The following DMXL1 variants were observed in gnomAD, a reference collection of about 807,000 sequenced individuals.
DMXL1 encodes the protein Dmx like 1.
A neutral mutation model predicts 319.2 loss-of-function variants in DMXL1; 99 were observed. The observed-to-expected ratio is 0.31, with a 90% CI of 0.26 to 0.37. The LOEUF (loss-of-function observed/expected upper bound fraction) is 0.37. Ranked by LOEUF, DMXL1 falls within the 10% of genes least tolerant of loss-of-function variation. DMXL1 has a pLI of 1.00. For synonymous variants in DMXL1, 1,385 were observed against 1,235.2 expected (o/e 1.12, Z -2.54); for missense variants, 3,745 against 3,595.6 (o/e 1.04, Z -1.06).
chr5:119,085,770 G>A (rs1753223459), intron 1 of DMXL1, among the ~76,000 whole-genome samples: 1 of 152,078 alleles, frequency 6.6e-6, no homozygotes, highest in Non-Finnish European at 1.5e-5. Flanking sequence ...CCATATCTTA[G>A]AGGAAAAATC....
rs148821342 is a variant in DMXL1 at position 119,099,722 on chromosome 5, C to T, written c.213+1618C>T. ...CCAGGTTAGAATGAAGAAATCATGG[C>T]CATGTGTGGTGGCTCATGCCTGTAA... On this transcript the variant is annotated intron_variant, in intron 2 of 43. Transcript: ENST00000539542. 4.0e-3 allele frequency among the ~76,000 whole-genome samples: 612 copies of T among 152,220 alleles called. 10 individuals are homozygous for T. The highest frequency in any genetic ancestry group is 0.031 in the South Asian group (147 of 4,818).
chr5:119,086,882 CATT>C (rs1188131147), intron 1 of DMXL1, among the ~76,000 whole-genome samples: 1 of 152,054 alleles, frequency 6.6e-6, no homozygotes, highest in Admixed American at 6.6e-5. Context: ...TCTCATTACT[CATT>C]ATTGATTTGG....
chr5:119,149,329 C>A lies in DMXL1; in HGVS notation c.3502C>A (p.Leu1168Met). 6.2e-7 allele frequency: 1 copy of A among 1,613,944 alleles called. No individual in the cohort carries two copies. The highest frequency in any genetic ancestry group is 8.5e-7 in the Non-Finnish European group (1 of 1,179,900). ...ATCAAAACTTTTTATGTATGGACCC[C>A]TGGCTGGCAAGGTACAAGACCAAAC... ...IGSKLFMYGP[L>M]AGKVQDQTGK... The change falls in exon 18 of 44, where the codon CTG becomes ATG. Residue 1168 changes from leucine (L) to methionine (M), a missense_variant. Around this residue, in one of 4 missense-constraint regions of DMXL1, gnomAD observed 2,096 missense variants for 1,985.4 expected, o/e 1.06. Transcript: ENST00000539542.
chr5:119,167,632 G>T lies in DMXL1; in HGVS notation c.5166G>T (p.Gln1722His). The T allele has an allele frequency of 6.2e-7, 1 of 1,606,280 alleles. No individual in the cohort carries two copies. The highest frequency in any genetic ancestry group is 8.5e-7 in the Non-Finnish European group (1 of 1,175,598). Residue 1722 changes from glutamine (Q) to histidine (H), a missense_variant, in exon 23 of 44, where the codon CAG (glutamine) becomes CAT (histidine). By Grantham distance (24) the Gln-to-His change is conservative. Transcript: ENST00000539542. ...EVCLEKLNDI[Q>H]LALVIARLYE... ...GTCTTGAGAAATTGAATGACATTCA[G>T]TTGGCTCTTGTAATAGCAAGACTCT...
chr5:119,118,748 A>C (rs772679787), intron 7 of DMXL1, 67 bp from the exon 8 acceptor site: 2 of 1,225,558 alleles, frequency 1.6e-6, no homozygotes, highest in Middle Eastern at 3.9e-4. Context: ...TTACAGAAAC[A>C]TCGTAGAATT....
chr5:119,222,921 A>G (rs968030084), intron 37 of DMXL1, among the ~76,000 whole-genome samples: 1 of 151,840 alleles, frequency 6.6e-6, no homozygotes, highest in African/African-American at 2.4e-5. Flanking sequence ...TCTCAACTCA[A>G]ATCCCCCCAC....
At chr5:119,092,899 T>C (rs1265244361) in intron 1 of DMXL1, among the ~76,000 whole-genome samples, 1 of 152,260 alleles carries the variant, frequency 6.6e-6, no homozygotes, top group African/African-American at 2.4e-5. Context: ...CCATTGACAG[T>C]TGATGGACAT....
At chr5:119,113,770 T>C (rs769824604) in intron 5 of DMXL1, among the ~76,000 whole-genome samples, 18 of 152,244 alleles carry the variant, frequency 1.2e-4, no homozygotes, top group Non-Finnish European at 2.1e-4. Context: ...TAATGTATTA[T>C]GCTTAAAATC....
At chr5:119,164,020 A>G (rs1451345964) in intron 19 of DMXL1, among the ~76,000 whole-genome samples, 1 of 152,090 alleles carries the variant, frequency 6.6e-6, no homozygotes, top group Non-Finnish European at 1.5e-5. Flanking sequence ...TAGAGCTGGA[A>G]TTTAACATAT....
At chr5:119,119,856 G>T (rs1761654432) in intron 8 of DMXL1, among the ~76,000 whole-genome samples, 1 of 151,706 alleles carries the variant, frequency 6.6e-6, no homozygotes, top group East Asian at 1.9e-4. Flanking sequence ...ATTTTTTGTG[G>T]ATTTTTTTTT....
chr5:119,191,953 A>C (rs958599039), intron 29 of DMXL1, among the ~76,000 whole-genome samples: 1 of 152,204 alleles, frequency 6.6e-6, no homozygotes, highest in African/African-American at 2.4e-5. Flanking sequence ...TTTGTTTTCT[A>C]CAATTTTGTT....
At chr5:119,134,958 G>C (rs1765674973) in intron 13 of DMXL1, among the ~76,000 whole-genome samples, 1 of 152,212 alleles carries the variant, frequency 6.6e-6, no homozygotes, top group Non-Finnish European at 1.5e-5. Context: ...CCCAGAGGCA[G>C]CCTTCGGCTG....
At chr5:119,121,194 A>G (rs1310409750) in intron 9 of DMXL1, 55 bp downstream of exon 9, 1 of 1,414,924 alleles carries the variant, frequency 7.1e-7, no homozygotes, top group Non-Finnish European at 9.5e-7. Context: ...TGATTTTATA[A>G]CAACTAAGTT....
Position 119,149,033 on chromosome 5 carries a change from G to T in DMXL1, c.3206G>T (p.Arg1069Ile). 2 of 1,613,864 alleles carry T rather than the reference G, an allele frequency of 1.2e-6. No individual in the cohort carries two copies. Among genetic ancestry groups the T allele is most frequent in the Non-Finnish European group, 1.7e-6 (2 of 1,179,856 alleles). The change falls in exon 18 of 44, where the codon AGA (arginine) becomes ATA (isoleucine). Residue 1069 changes from arginine (R) to isoleucine (I), a missense_variant. By Grantham distance (97) the Arg-to-Ile change is moderately conservative (BLOSUM62 -3). Coordinates refer to ENST00000539542, the MANE Select transcript of DMXL1 (RefSeq NM_001290321.3). Reference sequence around the variant, plus strand: ...TATAAGCAGCCTGCATCTAATAGTAGATCTTCCCAGGACTTTGTGATGCAT... The same window carrying T: ...TATAAGCAGCCTGCATCTAATAGTATATCTTCCCAGGACTTTGTGATGCAT... ...VAYKQPASNS[R>I]SSQDFVMHVS...
At chr5:119,211,384 A>G (rs1042529144) in intron 34 of DMXL1, among the ~76,000 whole-genome samples, 1 of 152,134 alleles carries the variant, frequency 6.6e-6, no homozygotes, top group Admixed American at 6.5e-5. Flanking sequence ...GACAAATTTA[A>G]TTTCTTTAAC....
At position 119,247,879 on chromosome 5, in the gene DMXL1, T is replaced by C. The variant is rs1156804828; in HGVS notation, c.*660T>C. 2.0e-5 allele frequency: 3 copies of C among 151,980 alleles called. No individual in the cohort carries two copies. Among genetic ancestry groups the C allele is most frequent in the Non-Finnish European group, 4.4e-5 (3 of 67,986 alleles). The allele number at this position is 151,980 out of a possible 1,614,324, so 9.4% of individuals were successfully genotyped here. A position where few individuals can be genotyped will look rare whatever the true frequency, so the allele number is the denominator to read the frequency against. On this transcript the variant is annotated 3_prime_UTR_variant, in exon 44 of 44. Transcript: ENST00000539542. ...AGTTGTATATATTAGCGAAAACTGG[T>C]TTTTCATGTGTTTTTGTGCCATAAC...
intron 28 of DMXL1, 62 bp from the exon 29 acceptor site, chr5:119,189,646 C>T: frequency 6.7e-7 from 1 of 1,497,186 alleles, no homozygotes; most frequent in East Asian, 2.3e-5. Flanking sequence ...CTTATGTAAA[C>T]ACAGGTGAAA....
At chr5:119,083,257 C>T (rs1463752986) in intron 1 of DMXL1, among the ~76,000 whole-genome samples, 1 of 152,090 alleles carries the variant, frequency 6.6e-6, no homozygotes, top group Non-Finnish European at 1.5e-5. Flanking sequence ...AACTCCTGGC[C>T]TCAAGTGATC....
intron 9 of DMXL1, among the ~76,000 whole-genome samples, chr5:119,122,763 G>C (rs954944605): frequency 1.3e-5 from 2 of 151,194 alleles, no homozygotes; most frequent in Non-Finnish European, 3.0e-5. Flanking sequence ...GGGAAGAGGC[G>C]CTCCTCACTT....
Sources: allele counts gnomAD v4.1 joint callset (sites outside exome capture counted in the v4.1 genomes callset), GRCh38; gene constraint gnomAD v4.1.1; regional missense constraint gnomAD v4.1.1; transcripts MANE v1.5; gene names NCBI Gene and HGNC (gene_info 2026-07-23, HGNC 2026-07-21).